The following SIK2 variants were observed in gnomAD, a reference collection of about 807,000 sequenced individuals.
The protein encoded by SIK2 is serine/threonine-protein kinase SIK2.
A neutral mutation model predicts 103.2 loss-of-function variants in SIK2; 29 were observed. The ratio of observed to expected loss-of-function variants is 0.28; its 90% confidence interval spans 0.21 to 0.38. SIK2 has a LOEUF of 0.38. Among genes scored for constraint, SIK2 ranks in the 10% least tolerant of loss-of-function variants. SIK2 has a pLI of 1.00. For synonymous variants in SIK2, 412 were observed against 446.1 expected (o/e 0.92, Z 0.96); for missense variants, 879 against 1,171.0 (o/e 0.75, Z 3.64).
rs772035211 is a variant in SIK2, at chr11:111,720,010, T to C, written c.1495+7T>C. ...GTCGTGATGCCTGGGGCAGGTACGGTAGAGGAGCGACACTAGCTTGAGTCT... is the reference window on the plus strand; with the variant it reads ...GTCGTGATGCCTGGGGCAGGTACGGCAGAGGAGCGACACTAGCTTGAGTCT... On this transcript the variant is annotated splice_region_variant and intron_variant, in intron 10 of 14. Coordinates refer to ENST00000304987, the MANE Select transcript of SIK2 (RefSeq NM_015191.3). 66 of 1,609,842 alleles carry C rather than the reference T, an allele frequency of 4.1e-5. No individual in the cohort carries two copies. In the Admixed American group the frequency reaches 6.2e-4, roughly 15 times the overall value.
intron 8 of SIK2, among the ~76,000 whole-genome samples, chr11:111,708,711 G>A (rs185480332): frequency 9.9e-4 from 151 of 152,158 alleles, no homozygotes; most frequent in Non-Finnish European, 1.6e-3. Flanking sequence ...AGCTTCCCAA[G>A]TAGCTGGGAC....
intron 8 of SIK2, among the ~76,000 whole-genome samples, chr11:111,710,034 T>A (rs1943455565): frequency 6.6e-6 from 1 of 152,216 alleles, no homozygotes; most frequent in Non-Finnish European, 1.5e-5. Context: ...CAGACTACCT[T>A]CATAGAGAAG....
In SIK2 at chr11:111,688,792, T is replaced by C. The variant is rs146180831; in HGVS notation, c.478+630T>C. ...CTCAATAAATATGTATCAGGTACTG[T>C]GCTATGTTAAGTACAATATGATATG... On this transcript the variant is annotated intron_variant, in intron 4 of 14. Transcript: ENST00000304987. This position sits in a 1 kb window ranked among gnomAD's most constrained non-coding sequence, Gnocchi z 4.2. 2.6e-5 allele frequency among the ~76,000 whole-genome samples: 4 copies of C among 152,220 alleles called. No individual in the cohort carries two copies. The South Asian group carries it at 8.3e-4, about 31-fold the overall frequency.
rs1286113921 is a variant in SIK2 at position 111,728,575 on chromosome 11, C to T, written c.*4446C>T. 2.0e-5 allele frequency: 3 copies of T among 152,078 alleles called. No homozygotes were observed. The highest frequency in any genetic ancestry group is 7.2e-5 in the African/African-American group (3 of 41,392). 9.4% of individuals were successfully genotyped at this position (152,078 alleles called of 1,614,324 possible). On this transcript the variant is annotated 3_prime_UTR_variant, in exon 15 of 15. Transcript: ENST00000304987. ...AAGTACTGGGATTACAGGTGTGAGC[C>T]ACCACACCCGACCTGGAATTTTTTT...
Position 111,723,786 on chromosome 11 carries a change from C to T in SIK2, c.2438C>T (p.Pro813Leu). The change falls in exon 15 of 15, where the codon CCT becomes CTT. Residue 813 changes from proline (P) to leucine (L), a missense_variant. By Grantham distance (98) the Pro-to-Leu change is moderately conservative (BLOSUM62 -3). This residue lies in a region of SIK2 where 375 missense variants were observed against 416.3 expected (regional missense o/e 0.90). Transcript: ENST00000304987. Reference protein sequence around the residue: ...PSTSGPRAAPPLPTQLQQQQP... With the variant: ...PSTSGPRAAPLLPTQLQQQQP... The stretch of plus-strand genomic sequence containing the variant: ...ACTTCCGGTCCCCGGGCTGCTCCTC[C>T]TCTGCCCACGCAGCTACAGCAGCAG... 2 of 1,614,034 alleles carry T rather than the reference C, an allele frequency of 1.2e-6. No individual in the cohort carries two copies. The highest frequency in any genetic ancestry group is 1.7e-6 in the Non-Finnish European group (2 of 1,180,046).
At chr11:111,675,692 TC>T (rs1253192386) in intron 3 of SIK2, among the ~76,000 whole-genome samples, 2 of 152,250 alleles carry the variant, frequency 1.3e-5, no homozygotes, top group African/African-American at 4.8e-5. Context: ...GAAAAATTGT[TC>T]CTGCTTAGCA....
intron 3 of SIK2, among the ~76,000 whole-genome samples, chr11:111,641,350 C>T (rs1214017924): frequency 1.3e-5 from 2 of 152,138 alleles, no homozygotes; most frequent in Non-Finnish European, 2.9e-5. Flanking sequence ...ACAAACTGGG[C>T]ACATTACCTT....
intron 4 of SIK2, among the ~76,000 whole-genome samples, chr11:111,697,995 A>T (rs1310895288): frequency 6.6e-6 from 1 of 152,120 alleles, no homozygotes; most frequent in Non-Finnish European, 1.5e-5. Flanking sequence ...TGGGCAACAG[A>T]GCAAGACCAG....
At position 111,638,332 on chromosome 11, in the gene SIK2, AT is replaced by A. The variant is rs139248162; in HGVS notation, c.316+17931del. Among the ~76,000 whole-genome samples the A allele has an allele frequency of 5.4e-3, 828 of 152,310 alleles. 10 individuals carry two copies. The highest frequency in any genetic ancestry group is 9.0e-3 in the Non-Finnish European group (611 of 68,020). Reference sequence around the variant, plus strand: ...CCTCTAGATTTCTACTGGGGTAGAAATCAGGGCACTCACCCAGTCCATAAAA... The same window carrying A: ...CCTCTAGATTTCTACTGGGGTAGAAACAGGGCACTCACCCAGTCCATAAAA... On this transcript the variant is annotated intron_variant, in intron 3 of 14. Transcript: ENST00000304987.
In SIK2 at chr11:111,658,089, ATTTTATTT is replaced by A. The variant is rs1164420028; in HGVS notation, c.317-29911_317-29904del. 2.6e-4 allele frequency among the ~76,000 whole-genome samples: 35 copies of A among 136,636 alleles called. 1 individual carries two copies. The highest frequency in any genetic ancestry group is 1.7e-3 in the East Asian group (8 of 4,764). 89.6% of individuals were successfully genotyped at this position (136,636 alleles called of 152,430 possible). ...TTTACTTATTTATTTTTTCATTTTT[ATTTTATTT>A]ATTTATTTATTTATTTATTTATTTA... is the stretch of plus-strand genomic sequence containing the variant. On this transcript the variant is annotated intron_variant, in intron 3 of 14. Coordinates refer to ENST00000304987, the MANE Select transcript of SIK2 (RefSeq NM_015191.3).
In SIK2 at chr11:111,722,610, T is replaced by C. The variant is rs1943835188; in HGVS notation, c.2056-55T>C. On this transcript the variant is annotated intron_variant, in intron 13 of 14. Coordinates refer to ENST00000304987, the MANE Select transcript of SIK2 (RefSeq NM_015191.3). The surrounding 1 kb of genome is among the most constrained non-coding windows in gnomAD (Gnocchi z 4.4). The stretch of plus-strand genomic sequence containing the variant: ...TGCAGGCAGAAGCACATCTGATGAC[T>C]GCATCCTAGGTGACAGCACATTGTC... 3.9e-6 allele frequency: 6 copies of C among 1,530,950 alleles called. No homozygotes were observed. In the Admixed American group the frequency reaches 1.0e-4, roughly 27 times the overall value. 94.8% of individuals were successfully genotyped at this position (1,530,950 alleles called of 1,614,324 possible). A position where few individuals can be genotyped will look rare whatever the true frequency, so the allele number is the denominator to read the frequency against.
intron 3 of SIK2, chr11:111,672,258 C>A: frequency 2.8e-6 from 1 of 361,096 alleles, no homozygotes; most frequent in Non-Finnish European, 5.1e-6. Flanking sequence ...GCACTTAGGC[C>A]ACCCAGGAAG....
Position 111,722,930 on chromosome 11 carries a change from G to C in SIK2, c.2147+174G>C, listed in dbSNP as rs1225104158. Among the ~76,000 whole-genome samples the C allele has an allele frequency of 6.6e-6, 1 of 152,190 alleles. No individual in the cohort carries two copies. The highest frequency in any genetic ancestry group is 1.5e-5 in the Non-Finnish European group (1 of 68,032). ...AGAGGATATCTCAGTATCCATGGAG[G>C]ATGGTCCTGTCAGGCACTGGCAGCC... is the stretch of plus-strand genomic sequence containing the variant. On this transcript the variant is annotated intron_variant, in intron 14 of 14. Coordinates refer to ENST00000304987, the MANE Select transcript of SIK2 (RefSeq NM_015191.3). This position sits in a 1 kb window ranked among gnomAD's most constrained non-coding sequence, Gnocchi z 4.4.
Position 111,701,094 on chromosome 11 carries a change from C to G in SIK2, c.603+84C>G, listed in dbSNP as rs1943202523. Reference sequence around the variant, plus strand: ...TGGCCCATCTTAGAAGCTCCTGGTACTTAACACATAAGCAGTATTTCATAT... The same window carrying G: ...TGGCCCATCTTAGAAGCTCCTGGTAGTTAACACATAAGCAGTATTTCATAT... On this transcript the variant is annotated intron_variant, in intron 5 of 14. Transcript: ENST00000304987. This position sits in a 1 kb window ranked among gnomAD's most constrained non-coding sequence, Gnocchi z 4.2. 6.6e-7 allele frequency: 1 copy of G among 1,507,048 alleles called. No homozygotes were observed. 93.4% of individuals were successfully genotyped at this position (1,507,048 alleles called of 1,614,324 possible).
rs1477148191 is a variant in SIK2, at chr11:111,602,879, G to A, written c.135+181G>A. ...TGCAGGGGGTCGGTGAGCAGCGAAGGGATCGGGCCCGGGCACCCGGACCCG... is the reference window on the plus strand; with the variant it reads ...TGCAGGGGGTCGGTGAGCAGCGAAGAGATCGGGCCCGGGCACCCGGACCCG... On this transcript the variant is annotated intron_variant, in intron 1 of 14. Coordinates refer to ENST00000304987, the MANE Select transcript of SIK2 (RefSeq NM_015191.3). The surrounding 1 kb of genome is among the most constrained non-coding windows in gnomAD (Gnocchi z 4.5). Among the ~76,000 whole-genome samples, 1 of 152,238 alleles carries A rather than the reference G, an allele frequency of 6.6e-6. No homozygotes were observed. Among genetic ancestry groups the A allele is most frequent in the Admixed American group, 6.5e-5 (1 of 15,308 alleles).
intron 3 of SIK2, among the ~76,000 whole-genome samples, chr11:111,628,769 T>C (rs1385586002): frequency 6.6e-6 from 1 of 152,096 alleles, no homozygotes; most frequent in Non-Finnish European, 1.5e-5. Flanking sequence ...CTACCTTCAT[T>C]TCCCTAAATA....
intron 3 of SIK2, among the ~76,000 whole-genome samples, chr11:111,687,637 TCA>T (rs1255973473): frequency 2.1e-4 from 2 of 9,398 alleles, no homozygotes; most frequent in Admixed American, 4.9e-3. Context: ...AGATAGAGTC[TCA>T]CTCTCGTCCA....
At chr11:111,629,198 T>C (rs1942005558) in intron 3 of SIK2, among the ~76,000 whole-genome samples, 1 of 152,236 alleles carries the variant, frequency 6.6e-6, no homozygotes, top group South Asian at 2.1e-4. Context: ...CTGTTATTTA[T>C]TGAGCACTAT....
At chr11:111,683,765 T>C (rs1942808294) in intron 3 of SIK2, among the ~76,000 whole-genome samples, 1 of 152,216 alleles carries the variant, frequency 6.6e-6, no homozygotes, top group Non-Finnish European at 1.5e-5. Context: ...AATAAGGTTT[T>C]TAATGTGAAA....
Sources: allele counts gnomAD v4.1 joint callset (sites outside exome capture counted in the v4.1 genomes callset), GRCh38; gene constraint gnomAD v4.1.1; regional missense constraint gnomAD v4.1.1; non-coding constraint Gnocchi (gnomAD v3.1); transcripts MANE v1.5; gene names NCBI Gene and HGNC (gene_info 2026-07-23, HGNC 2026-07-21).